SLC10A7: variants seen among roughly 807,000 people sequenced by gnomAD.
SLC10A7 encodes the protein solute carrier family 10 member 7.
SLC10A7 carries 29 observed loss-of-function variants against 43.2 expected under a neutral mutation model. The observed-to-expected ratio is 0.67, with a 90% CI of 0.50 to 0.92. The LOEUF (loss-of-function observed/expected upper bound fraction) is 0.92. Among genes scored for constraint, SLC10A7 ranks in the 40% least tolerant of loss-of-function variants. The probability of loss-of-function intolerance (pLI) is 0.00; values close to 1 mark genes in which losing one functional copy is unlikely to be tolerated. For missense variants in SLC10A7, 295 were observed against 403.2 expected (o/e 0.73, Z 2.30); for synonymous variants, 152 against 144.8 (o/e 1.05, Z -0.35).
At chr4:146,482,706 C>A (rs903898536) in intron 4 of SLC10A7, among the ~76,000 whole-genome samples, 1 of 152,052 alleles carries the variant, frequency 6.6e-6, no homozygotes, top group African/African-American at 2.4e-5. Flanking sequence ...ACTTTCCAAG[C>A]CTTGGCAGAG....
intron 4 of SLC10A7, among the ~76,000 whole-genome samples, chr4:146,495,246 C>T (rs895033939): frequency 9.2e-5 from 14 of 152,166 alleles, no homozygotes; most frequent in African/African-American, 3.1e-4. Context: ...CACTACAAGC[C>T]AAAGCAGTAA....
chr4:146,451,315 C>A (rs901002528), intron 4 of SLC10A7, among the ~76,000 whole-genome samples: 10 of 149,416 alleles, frequency 6.7e-5, no homozygotes, highest in Non-Finnish European at 1.5e-4. Context: ...AGAACTATTA[C>A]CAATTCTTCT....
intron 5 of SLC10A7, among the ~76,000 whole-genome samples, chr4:146,440,254 A>C (rs1730494144): frequency 6.7e-6 from 1 of 149,186 alleles, no homozygotes; most frequent in East Asian, 2.0e-4. Flanking sequence ...AAGAAAGAAG[A>C]CTCAGGTTTT....
At chr4:146,413,645 CT>C (rs1391736211) in intron 5 of SLC10A7, among the ~76,000 whole-genome samples, 5 of 152,194 alleles carry the variant, frequency 3.3e-5, no homozygotes, top group African/African-American at 1.2e-4. Context: ...GTATCTTTTG[CT>C]TTTTTATTCA....
chr4:146,274,200 C>CTTTTTT (rs35963098), intron 10 of SLC10A7, among the ~76,000 whole-genome samples: 4 of 118,536 alleles, frequency 3.4e-5, no homozygotes, highest in South Asian at 2.9e-4. Context: ...TCAGATTATA[C>CTTTTTT]TTTTTTTTTT....
chr4:146,300,968 C>A (rs960525944), intron 7 of SLC10A7, among the ~76,000 whole-genome samples: 2 of 151,970 alleles, frequency 1.3e-5, no homozygotes, highest in Admixed American at 6.6e-5. Flanking sequence ...CATCTTACAC[C>A]CTACTCTTGA....
intron 4 of SLC10A7, among the ~76,000 whole-genome samples, chr4:146,472,208 T>C (rs1006939449): frequency 2.6e-5 from 4 of 152,152 alleles, no homozygotes; most frequent in Non-Finnish European, 5.9e-5. Context: ...TGTTAGAGCA[T>C]CTTAGTTTAA....
At chr4:146,438,619 A>G (rs1730378573) in intron 5 of SLC10A7, among the ~76,000 whole-genome samples, 1 of 152,092 alleles carries the variant, frequency 6.6e-6, no homozygotes, top group South Asian at 2.1e-4. Context: ...GTTACCAAAA[A>G]TAATAAAATA....
chr4:146,321,754 C>T (rs1289795826), intron 6 of SLC10A7, among the ~76,000 whole-genome samples: 2 of 152,058 alleles, frequency 1.3e-5, no homozygotes, highest in African/African-American at 4.8e-5. Context: ...CATTTTAAGT[C>T]ATTCAGGTTC....
intron 5 of SLC10A7, among the ~76,000 whole-genome samples, chr4:146,407,844 T>C (rs1341256084): frequency 1.3e-5 from 2 of 152,126 alleles, no homozygotes; most frequent in Non-Finnish European, 2.9e-5. Context: ...ATAGCCGAGA[T>C]ATTGATTCCC....
chr4:146,497,137 G>C (rs75369582), intron 4 of SLC10A7, among the ~76,000 whole-genome samples: 1 of 152,124 alleles, frequency 6.6e-6, no homozygotes, highest in East Asian at 1.9e-4. Flanking sequence ...ATGATATAAA[G>C]AATTTAAGTT....
intron 5 of SLC10A7, among the ~76,000 whole-genome samples, chr4:146,368,280 T>C (rs1042038580): frequency 1.3e-5 from 2 of 152,162 alleles, no homozygotes; most frequent in Admixed American, 6.5e-5. Context: ...TCAGTCAAGG[T>C]TGGGCTTCCG....
Position 146,255,310 on chromosome 4 carries a change from T to C in SLC10A7, c.*1181A>G, listed in dbSNP as rs1303739940. 2 of 152,670 alleles carry C rather than the reference T, an allele frequency of 1.3e-5. No homozygotes were observed. The highest frequency in any genetic ancestry group is 2.9e-5 in the Non-Finnish European group (2 of 68,044). The allele number at this position is 152,670 out of a possible 1,614,324, so 9.5% of individuals were successfully genotyped here. A position where few individuals can be genotyped will look rare whatever the true frequency, so the allele number is the denominator to read the frequency against. ...TGAAAGCTGCTGCCCCGTTGGGAAC[T>C]AATTTTACTTGATATTTTGGTTATT... On this transcript the variant is annotated 3_prime_UTR_variant, in exon 12 of 12. Coordinates refer to ENST00000335472, the MANE Select transcript of SLC10A7 (RefSeq NM_001029998.6).
intron 5 of SLC10A7, among the ~76,000 whole-genome samples, chr4:146,364,071 T>C (rs1736230909): frequency 6.6e-6 from 1 of 151,838 alleles, no homozygotes; most frequent in Non-Finnish European, 1.5e-5. Context: ...GTTGGTTCTT[T>C]TGAGAAGATA....
intron 5 of SLC10A7, among the ~76,000 whole-genome samples, chr4:146,407,441 T>C (rs1727802762): frequency 6.6e-6 from 1 of 152,214 alleles, no homozygotes; most frequent in Admixed American, 6.5e-5. Flanking sequence ...TACACAATAC[T>C]GTATTATCAA....
chr4:146,342,325 T>C (rs940200994), intron 5 of SLC10A7, among the ~76,000 whole-genome samples: 1 of 151,800 alleles, frequency 6.6e-6, no homozygotes, highest in East Asian at 1.9e-4. Context: ...CTGAAATTTA[T>C]AAGAGCTGTT....
At chr4:146,426,898 C>A (rs1295015898) in intron 5 of SLC10A7, among the ~76,000 whole-genome samples, 2 of 152,030 alleles carry the variant, frequency 1.3e-5, no homozygotes, top group Non-Finnish European at 2.9e-5. Flanking sequence ...ACAAAATAAA[C>A]CTATAACAAA....
At chr4:146,379,367 A>G (rs376849960) in intron 5 of SLC10A7, among the ~76,000 whole-genome samples, 2 of 152,178 alleles carry the variant, frequency 1.3e-5, no homozygotes, top group South Asian at 2.1e-4. Context: ...GATTTTATTG[A>G]TGCAGATTTA....
intron 2 of SLC10A7, among the ~76,000 whole-genome samples, chr4:146,510,325 T>A (rs1055981397): frequency 6.6e-6 from 1 of 151,694 alleles, no homozygotes; most frequent in Non-Finnish European, 1.5e-5. Flanking sequence ...AGTGGCGCGA[T>A]CTTGGCTCAC....
Sources: gnomAD v4.1 joint callset for allele counts (sites outside exome capture counted in the v4.1 genomes callset) on GRCh38, gnomAD v4.1.1 for gene constraint, MANE v1.5 for transcripts, NCBI Gene and HGNC (gene_info 2026-07-23, HGNC 2026-07-21) for gene names.